SLC2A9: variants seen among roughly 807,000 people sequenced by gnomAD.
The protein encoded by SLC2A9 is solute carrier family 2, facilitated glucose transporter member 9.
A neutral mutation model predicts 50.6 loss-of-function variants in SLC2A9; 39 were observed. The ratio of observed to expected loss-of-function variants is 0.77; its 90% CI spans 0.60 to 1.01. The LOEUF is 1.01. Among genes scored for constraint, SLC2A9 ranks in the 50% least tolerant of loss-of-function variants. The pLI, the probability that SLC2A9 is intolerant of heterozygous loss-of-function variation, is 0.00. For missense variants in SLC2A9, 686 were observed against 677.6 expected, an observed-to-expected ratio of 1.01 and a Z score of -0.14; for synonymous variants, 324 against 276.9, an observed-to-expected ratio of 1.17 and a Z score of -1.69.
chr4:9,863,863 T>C (rs750529871), intron 10 of SLC2A9, among the ~76,000 whole-genome samples: 2 of 152,098 alleles, frequency 1.3e-5, no homozygotes, highest in East Asian at 1.9e-4. Context: ...AGAAGTCGAG[T>C]TGATGTATTG....
At chr4:9,859,189 C>G (rs1731216354) in intron 10 of SLC2A9, among the ~76,000 whole-genome samples, 3 of 152,126 alleles carry the variant, frequency 2.0e-5, no homozygotes, top group Admixed American at 1.3e-4. Flanking sequence ...AGTCAATTCT[C>G]CTTAATAAAC....
chr4:10,018,010 A>G (rs1762898268), intron 2 of SLC2A9, among the ~76,000 whole-genome samples: 1 of 152,142 alleles, frequency 6.6e-6, no homozygotes. Flanking sequence ...GCTTCCCTCA[A>G]GCCTCCAACC....
chr4:9,837,281 G>A (rs1475190688), intron 10 of SLC2A9, among the ~76,000 whole-genome samples: 2 of 152,170 alleles, frequency 1.3e-5, no homozygotes, highest in Non-Finnish European at 2.9e-5. Context: ...GGTATCTATT[G>A]AACTGTGTGA....
intron 6 of SLC2A9, among the ~76,000 whole-genome samples, chr4:9,933,345 CT>C (rs1325448435): frequency 2.6e-5 from 4 of 152,184 alleles, no homozygotes; most frequent in Admixed American, 6.5e-5. Context: ...AGTGGCTGAG[CT>C]GGGACTGAGC....
chr4:9,891,092 G>A (rs979018751), intron 8 of SLC2A9, among the ~76,000 whole-genome samples: 10 of 152,174 alleles, frequency 6.6e-5, no homozygotes, highest in Admixed American at 6.5e-5. Flanking sequence ...CCATGTTGTG[G>A]GTTTCATAGG....
At chr4:10,028,133 G>C (rs1183532886) in intron 1 of SLC2A9, among the ~76,000 whole-genome samples, 1 of 152,124 alleles carries the variant, frequency 6.6e-6, no homozygotes, top group Admixed American at 6.5e-5. Flanking sequence ...GCCCCTTCGA[G>C]CTGCCACACC....
chr4:9,848,602 T>G (rs1381638952), intron 10 of SLC2A9, among the ~76,000 whole-genome samples: 1 of 152,278 alleles, frequency 6.6e-6, no homozygotes, highest in East Asian at 1.9e-4. Context: ...TAGCCAATCA[T>G]GTCTGTCTCT....
chr4:9,772,393 G>A (rs1716938790), intron 1 of SLC2A9, among the ~76,000 whole-genome samples: 1 of 152,204 alleles, frequency 6.6e-6, no homozygotes. Context: ...ACTTCCCTGT[G>A]GACAGGACAG....
chr4:9,907,981 T>C (rs1261779566), intron 8 of SLC2A9, among the ~76,000 whole-genome samples: 1 of 152,178 alleles, frequency 6.6e-6, no homozygotes, highest in African/African-American at 2.4e-5. Context: ...TGTCAGGAAC[T>C]GGGTGAGAAT....
chr4:9,944,711 G>T (rs1748795380), intron 5 of SLC2A9, among the ~76,000 whole-genome samples: 1 of 152,228 alleles, frequency 6.6e-6, no homozygotes, highest in Admixed American at 6.5e-5. Flanking sequence ...ACTCCAGAGG[G>T]ACTGAGCTTA....
At chr4:9,867,831 T>C (rs1371928520) in intron 10 of SLC2A9, among the ~76,000 whole-genome samples, 1 of 152,228 alleles carries the variant, frequency 6.6e-6, no homozygotes, top group African/African-American at 2.4e-5. Flanking sequence ...TGCCCCCCTA[T>C]GCAGGGGACT....
chr4:9,778,036 TTTTCTTTC>T (rs200906590), downstream of SLC2A9, among the ~76,000 whole-genome samples: 459 of 140,010 alleles, frequency 3.3e-3, 2 homozygotes, highest in Non-Finnish European at 4.8e-3. Context: ...TCTACTTCTA[TTTTCTTTC>T]TTTCTTTCTT....
At chr4:9,846,535 T>A (rs1729023364) in intron 10 of SLC2A9, among the ~76,000 whole-genome samples, 1 of 152,204 alleles carries the variant, frequency 6.6e-6, no homozygotes, top group Non-Finnish European at 1.5e-5. Context: ...CTCCTCTGGC[T>A]CTGCTGACCA....
chr4:9,987,336 T>C (rs1017142029), intron 3 of SLC2A9, among the ~76,000 whole-genome samples: 2 of 152,156 alleles, frequency 1.3e-5, no homozygotes, highest in Non-Finnish European at 2.9e-5. Context: ...GCCAGGATGG[T>C]CTCAAACTTC....
chr4:10,018,108 C>T (rs13133766), intron 2 of SLC2A9, among the ~76,000 whole-genome samples: 67,027 of 152,136 alleles, frequency 0.44, 16,389 homozygotes, highest in South Asian at 0.59. Context: ...GTAGGCAGTA[C>T]CCAACCTTTA....
intron 10 of SLC2A9, among the ~76,000 whole-genome samples, chr4:9,843,701 T>A (rs952346728): frequency 1.1e-4 from 17 of 152,218 alleles, no homozygotes; most frequent in African/African-American, 3.9e-4. Flanking sequence ...TTAAAGGACC[T>A]AATGCAGAGA....
chr4:10,033,910 C>A (rs1688704709), intron 1 of SLC2A9, among the ~76,000 whole-genome samples: 1 of 152,206 alleles, frequency 6.6e-6, no homozygotes, highest in African/African-American at 2.4e-5. Context: ...TCATCCCAAG[C>A]CCTTCTGCCC....
downstream of SLC2A9, among the ~76,000 whole-genome samples, chr4:9,822,703 T>C (rs1457558833): frequency 6.6e-6 from 1 of 152,250 alleles, no homozygotes; most frequent in Non-Finnish European, 1.5e-5. Context: ...GCTTATTTGG[T>C]TTCTGATGAG....
chr4:9,945,177 C>T (rs1408406327), intron 5 of SLC2A9, among the ~76,000 whole-genome samples: 2 of 152,232 alleles, frequency 1.3e-5, no homozygotes, highest in East Asian at 3.9e-4. Flanking sequence ...TGGCTATGGG[C>T]ACAGCTCTCT....
Sources: allele counts gnomAD v4.1 joint callset (sites outside exome capture counted in the v4.1 genomes callset), GRCh38; gene constraint gnomAD v4.1.1; transcripts MANE v1.5; gene names NCBI Gene and HGNC (gene_info 2026-07-23, HGNC 2026-07-21).